Variants in KIF19 observed in about 807,000 individuals in gnomAD.
KIF19 encodes kinesin family member 19, also known as kinesin-like protein KIF19.
A neutral mutation model predicts 106.6 loss-of-function variants in KIF19; 98 were observed. That is an observed-to-expected ratio of 0.92 (90% CI 0.78 to 1.09). The LOEUF is 1.09. KIF19 is among the 50% of genes least tolerant of loss of function. The pLI, the probability that KIF19 is intolerant of heterozygous loss-of-function variation, is 0.00. For synonymous variants in KIF19, 516 were observed against 584.2 expected (o/e 0.88, Z 1.68); for missense variants, 1,373 against 1,414.3 (o/e 0.97, Z 0.47).
At chr17:74,342,505 C>A in intron 3 of KIF19, 125 bp from the exon 4 acceptor site, 1 of 705,392 alleles carries the variant, frequency 1.4e-6, no homozygotes. Flanking sequence ...CCCCCACCCC[C>A]ACTTATCTTG....
Position 74,339,804 on chromosome 17 carries a change from C to T in KIF19, c.121-2072C>T, listed in dbSNP as rs149367926. On this transcript the variant is annotated intron_variant, in intron 2 of 19. Transcript: ENST00000389916. ...AGCTGCCTCTCAGGGGGCACCTCCG[C>T]GGTGCAGTGGTTGGGGGTGGTGCAT... 2.0e-3 allele frequency among the ~76,000 whole-genome samples: 300 copies of T among 152,312 alleles called. 5 individuals are homozygous for T. Among genetic ancestry groups the T allele is most frequent in the African/African-American group, 6.8e-3 (284 of 41,572 alleles).
chr17:74,350,988 G>T (rs1162884641), intron 12 of KIF19, 83 bp downstream of exon 12: 8 of 1,432,000 alleles, frequency 5.6e-6, no homozygotes, highest in East Asian at 2.3e-5. Context: ...AGGGGCCAGG[G>T]TGGGGGTAGC....
At position 74,355,521 on chromosome 17, in the gene KIF19, A is replaced by C; in HGVS notation, c.*209A>C. The stretch of plus-strand genomic sequence containing the variant: ...TGGGGAAAAGAGGTGAGGCCAGGGG[A>C]CATGGCCAGGACGGCTGGGCTCCCT... On this transcript the variant is annotated 3_prime_UTR_variant, in exon 20 of 20. Coordinates refer to ENST00000389916, the MANE Select transcript of KIF19 (RefSeq NM_153209.4). The C allele has an allele frequency of 1.6e-6, 1 of 624,188 alleles. No individual in the cohort carries two copies. Among genetic ancestry groups the C allele is most frequent in the Non-Finnish European group, 2.6e-6 (1 of 388,994 alleles). 38.7% of individuals were successfully genotyped at this position (624,188 alleles called of 1,614,324 possible).
chr17:74,353,092 G>T, intron 15 of KIF19, 104 bp from the exon 16 acceptor site: 1 of 1,395,138 alleles, frequency 7.2e-7, no homozygotes, highest in Non-Finnish European at 1.0e-6. Flanking sequence ...AGGACTCCTG[G>T]GTTCTCTCTC....
chr17:74,342,665 C>T lies in KIF19; in HGVS notation c.267C>T (p.Ile89=), dbSNP rs368432623. 33 of 1,613,574 alleles carry T rather than the reference C, an allele frequency of 2.0e-5. No homozygotes were observed. The highest frequency in any genetic ancestry group is 1.2e-4 in the African/African-American group (9 of 74,896). The change falls in exon 4 of 20, where the codon ATC becomes ATT. Residue 89 remains isoleucine, a synonymous_variant. Coordinates refer to ENST00000389916, the MANE Select transcript of KIF19 (RefSeq NM_153209.4). ...ATCAGGCCACCACCAAGAGCCTCATCGAGGGCGTCATCTCAGGCTACAATG... is the reference window on the plus strand; with the variant it reads ...ATCAGGCCACCACCAAGAGCCTCATTGAGGGCGTCATCTCAGGCTACAATG... The part of the protein sequence containing the change: ...MVYQATTKSL[I]EGVISGYNAT...
At chr17:74,341,810 AG>A (rs772323981) in intron 2 of KIF19, 65 bp from the exon 3 acceptor site, 241 of 1,045,116 alleles carry the variant, frequency 2.3e-4, no homozygotes, top group Non-Finnish European at 3.5e-4. Flanking sequence ...AACCTTCCTG[AG>A]GGTTGACCTC....
chr17:74,352,177 G>C (rs773632682), intron 13 of KIF19, 40 bp downstream of exon 13: 1 of 1,589,356 alleles, frequency 6.3e-7, no homozygotes, highest in South Asian at 1.1e-5. Flanking sequence ...CACCCGCGGG[G>C]GGGCCGCTGG....
chr17:74,350,902 G>A lies in KIF19; in HGVS notation c.1584G>A (p.Gln528=), dbSNP rs778439569. The A allele has an allele frequency of 2.4e-5, 39 of 1,613,444 alleles. No homozygotes were observed. The highest frequency in any genetic ancestry group is 3.3e-5 in the Admixed American group (2 of 60,012). ...ACGAGCAGAAGCAACTGCGCAAGCA[G>A]AAGGTGTCCAGGGTTTGGGGGGACA... The part of the protein sequence containing the change: ...LVDEQKQLRK[Q]KLALEQRCRE... The change falls in exon 12 of 20, where the codon CAG becomes CAA. Residue 528 remains glutamine (Q), a synonymous_variant. Transcript: ENST00000389916.
intron 2 of KIF19, among the ~76,000 whole-genome samples, chr17:74,330,798 G>A (rs1320231116): frequency 2.0e-5 from 3 of 152,206 alleles, no homozygotes; most frequent in Admixed American, 2.0e-4. Context: ...TCTGAGCTGG[G>A]TGGTTCTAAC....
intron 2 of KIF19, chr17:74,329,456 A>G (rs1222961806): frequency 2.4e-5 from 3 of 126,136 alleles, no homozygotes; most frequent in Non-Finnish European, 1.8e-5. Context: ...TCAAAAAAAA[A>G]GAGAAAAAGA....
intron 1 of KIF19, among the ~76,000 whole-genome samples, chr17:74,328,154 T>C (rs981741667): frequency 4.6e-5 from 7 of 152,134 alleles, no homozygotes; most frequent in Non-Finnish European, 8.8e-5. Context: ...AGTGTTTTAT[T>C]TGGGCGTGAG....
At chr17:74,334,610 C>T (rs2054177496) in intron 2 of KIF19, among the ~76,000 whole-genome samples, 1 of 152,176 alleles carries the variant, frequency 6.6e-6, no homozygotes, top group Admixed American at 6.5e-5. Flanking sequence ...CTTTGGCCTT[C>T]TCCATCCAGC....
At chr17:74,350,336 G>A in intron 10 of KIF19, 65 bp from the exon 11 acceptor site, 2 of 1,469,412 alleles carry the variant, frequency 1.4e-6, no homozygotes, top group Non-Finnish European at 1.8e-6. Flanking sequence ...GGGCCCAGGT[G>A]GGCCCAGGCT....
At position 74,355,623 on chromosome 17, in the gene KIF19, G is replaced by A. The variant is rs1443587107; in HGVS notation, c.*311G>A. 1 of 235,056 alleles carries A rather than the reference G, an allele frequency of 4.3e-6. No individual in the cohort carries two copies. Among genetic ancestry groups the A allele is most frequent in the East Asian group, 7.3e-5 (1 of 13,754 alleles). 14.6% of individuals were successfully genotyped at this position (235,056 alleles called of 1,614,324 possible). ...GGCCAGCCTCGGCCTTGGTAACGGA[G>A]GAAAGCAGCTGACAGTGAGACGGGG... On this transcript the variant is annotated 3_prime_UTR_variant, in exon 20 of 20. Transcript: ENST00000389916.
In KIF19 at chr17:74,355,270, C is replaced by G; in HGVS notation, c.2955C>G (p.Gly985=). 6.2e-7 allele frequency: 1 copy of G among 1,612,426 alleles called. No homozygotes were observed. The highest frequency in any genetic ancestry group is 8.5e-7 in the Non-Finnish European group (1 of 1,179,566). The change falls in exon 20 of 20, where the codon GGC becomes GGG. Residue 985 remains glycine, a synonymous_variant. Coordinates refer to ENST00000389916, the MANE Select transcript of KIF19 (RefSeq NM_153209.4). ...CCCGTGGGCCCCGCCTGCCCCACGGCACAAGCACCCATGGCAAAGATGGAT... is the reference window on the plus strand; with the variant it reads ...CCCGTGGGCCCCGCCTGCCCCACGGGACAAGCACCCATGGCAAAGATGGAT... The part of the protein sequence containing the change: ...RATRGPRLPH[G]TSTHGKDGCS...
intron 9 of KIF19, 143 bp from the exon 10 acceptor site, chr17:74,349,041 G>T: frequency 1.4e-6 from 1 of 736,270 alleles, no homozygotes. Flanking sequence ...GTGACAGGAG[G>T]TTGTGGAAGT....
At chr17:74,349,759 A>T (rs1276644295) in intron 10 of KIF19, among the ~76,000 whole-genome samples, 3 of 152,000 alleles carry the variant, frequency 2.0e-5, no homozygotes, top group African/African-American at 2.4e-5. Flanking sequence ...GCTTTTTTTA[A>T]AAAAAAATTT....
At position 74,338,474 on chromosome 17, in the gene KIF19, G is replaced by A. The variant is rs1419525894; in HGVS notation, c.121-3402G>A. Among the ~76,000 whole-genome samples the A allele has an allele frequency of 3.3e-5, 5 of 151,992 alleles. 1 individual carries two copies. The highest frequency in any genetic ancestry group is 1.3e-4 in the Admixed American group (2 of 15,270). ...AAGCCCCCGGTCCATCCTATCTAGA[G>A]CCCTCTCCTGTAACTGGCTGACCTG... On this transcript the variant is annotated intron_variant, in intron 2 of 19. Coordinates refer to ENST00000389916, the MANE Select transcript of KIF19 (RefSeq NM_153209.4).
At position 74,331,446 on chromosome 17, in the gene KIF19, CTGGGGACACTTCAAATGAAGGAGATTG is replaced by C. The variant is rs2054078134; in HGVS notation, c.120+2945_120+2971del. Reference sequence around the variant, plus strand: ...TTTCTTTAGTCTAGGCATTGTTCTCCTGGGGACACTTCAAATGAAGGAGATTGTGGCAACGAGGCTTGGCAGAAGGGG... The same window carrying C: ...TTTCTTTAGTCTAGGCATTGTTCTCCTGGCAACGAGGCTTGGCAGAAGGGG... On this transcript the variant is annotated intron_variant, in intron 2 of 19. Transcript: ENST00000389916. This position sits in a 1 kb window ranked among gnomAD's most constrained non-coding sequence, Gnocchi z 4.1. Among the ~76,000 whole-genome samples the C allele has an allele frequency of 5.9e-5, 9 of 152,220 alleles. No homozygotes were observed. The highest frequency in any genetic ancestry group is 3.4e-3 in the Middle Eastern group (1 of 294).
Sources: gnomAD v4.1 joint callset for allele counts (sites outside exome capture counted in the v4.1 genomes callset) on GRCh38, gnomAD v4.1.1 for gene constraint, Gnocchi (gnomAD v3.1) non-coding constraint, MANE v1.5 for transcripts, NCBI Gene and HGNC (gene_info 2026-07-23, HGNC 2026-07-21) for gene names.